TACC1: variants seen among roughly 807,000 people sequenced by gnomAD.
The protein encoded by TACC1 is transforming acidic coiled-coil-containing protein 1.
TACC1 carries 48 observed loss-of-function variants against 84.4 expected under a neutral mutation model. The ratio of observed to expected loss-of-function variants is 0.57; its 90% confidence interval spans 0.45 to 0.72. TACC1 has a LOEUF of 0.72. Among genes scored for constraint, TACC1 ranks in the 30% least tolerant of loss-of-function variants. The probability of loss-of-function intolerance (pLI) is 0.00; values close to 1 mark genes in which losing one functional copy is unlikely to be tolerated. For missense variants in TACC1, 920 were observed against 973.0 expected, an observed-to-expected ratio of 0.95 and a Z score of 0.72; for synonymous variants, 372 against 376.3, an observed-to-expected ratio of 0.99 and a Z score of 0.13.
At chr8:38,758,754 C>G (rs1810640641) in intron 3 of TACC1, among the ~76,000 whole-genome samples, 1 of 151,200 alleles carries the variant, frequency 6.6e-6, no homozygotes, top group South Asian at 2.1e-4. Context: ...CTAAATGCCC[C>G]ACATGTTATT....
chr8:38,755,735 A>G (rs62505790), intron 3 of TACC1, among the ~76,000 whole-genome samples: 29,270 of 145,370 alleles, frequency 0.2, 3,335 homozygotes, highest in Non-Finnish European at 0.26. Context: ...CAACAACAAC[A>G]ACAACAACAA....
intron 3 of TACC1, among the ~76,000 whole-genome samples, chr8:38,772,857 T>C (rs1441992339): frequency 6.6e-6 from 1 of 152,012 alleles, no homozygotes; most frequent in East Asian, 1.9e-4. Context: ...ATTTTATGTA[T>C]TAATATAAAT....
intron 2 of TACC1, among the ~76,000 whole-genome samples, chr8:38,807,295 A>G (rs1306328821): frequency 6.6e-6 from 1 of 152,184 alleles, no homozygotes; most frequent in Non-Finnish European, 1.5e-5. Context: ...GTCAGCCCCC[A>G]TCCTGAAGCC....
At chr8:38,769,804 CTGTG>C (rs1472121298) in intron 3 of TACC1, among the ~76,000 whole-genome samples, 6 of 116,624 alleles carry the variant, frequency 5.1e-5, no homozygotes, top group Non-Finnish European at 1.0e-4. Context: ...GTGTATATGA[CTGTG>C]TGTGGTGTGT....
In TACC1 at chr8:38,840,132, G is replaced by A. The variant is rs1237407798; in HGVS notation, c.1917-92G>A. 3 of 844,742 alleles carry A rather than the reference G, an allele frequency of 3.6e-6. No individual in the cohort carries two copies. In the African/African-American group the frequency reaches 5.2e-5, roughly 15 times the overall value. 52.3% of individuals were successfully genotyped at this position (844,742 alleles called of 1,614,324 possible). ...TGGATTACATACATTGTCAGTGTAT[G>A]TTAATGTGTTTAATTGTTTGGGACA... On this transcript the variant is annotated intron_variant, in intron 8 of 12. Transcript: ENST00000317827.
intron 6 of TACC1, among the ~76,000 whole-genome samples, chr8:38,831,642 C>T (rs1166168331): frequency 6.6e-6 from 1 of 152,114 alleles, no homozygotes. Context: ...ACTAGAGGCA[C>T]GTGCCACCGC....
intron 1 of TACC1, among the ~76,000 whole-genome samples, chr8:38,733,917 GT>G (rs1053816094): frequency 1.1e-4 from 17 of 152,316 alleles, no homozygotes; most frequent in African/African-American, 4.1e-4. Flanking sequence ...TTCTGGGAGA[GT>G]TTTTTAAAAT....
intron 2 of TACC1, among the ~76,000 whole-genome samples, chr8:38,819,167 T>G (rs1430772213): frequency 1.3e-5 from 2 of 152,256 alleles, no homozygotes; most frequent in African/African-American, 4.8e-5. Context: ...AGCTGTTGGT[T>G]TCTAAATACT....
At chr8:38,757,209 G>GGGCCCCCC in intron 3 of TACC1, 3 of 262,220 alleles carry the variant, frequency 1.1e-5, no homozygotes, top group Non-Finnish European at 2.3e-5. Flanking sequence ...ACGGCCGGGC[G>GGGCCCCCC]CCCCACCCCG....
At chr8:38,764,736 G>A (rs562618976) in intron 3 of TACC1, among the ~76,000 whole-genome samples, 1 of 152,264 alleles carries the variant, frequency 6.6e-6, no homozygotes, top group South Asian at 2.1e-4. Flanking sequence ...GGAGGCCGAG[G>A]AGGGCAGGTC....
At chr8:38,806,810 G>C (rs1191196967) in intron 2 of TACC1, among the ~76,000 whole-genome samples, 1 of 152,036 alleles carries the variant, frequency 6.6e-6, no homozygotes, top group Non-Finnish European at 1.5e-5. Context: ...GTTCTATTCT[G>C]ATACTTACTT....
chr8:38,784,264 C>T (rs1253120869), upstream of TACC1, among the ~76,000 whole-genome samples: 1 of 152,100 alleles, frequency 6.6e-6, no homozygotes, highest in Non-Finnish European at 1.5e-5. Context: ...CATTTATTTG[C>T]TAGTCCAGTC....
chr8:38,783,080 ATCTATCTATCTATCTATCTATC>A (rs1816378496), upstream of TACC1, among the ~76,000 whole-genome samples: 3 of 106,628 alleles, frequency 2.8e-5, no homozygotes, highest in African/African-American at 1.3e-4. Flanking sequence ...CTATCTATCT[ATCTATCTATCTATCTATCTATC>A]TATCTATATA....
intron 5 of TACC1, among the ~76,000 whole-genome samples, chr8:38,828,931 TGTG>T (rs1237838392): frequency 6.6e-6 from 1 of 152,194 alleles, no homozygotes; most frequent in East Asian, 1.9e-4. Context: ...CTGGTACAGA[TGTG>T]GTAAGTTGAG....
At chr8:38,785,605 A>G, upstream of TACC1, 1 of 726,874 alleles carries the variant, frequency 1.4e-6, no homozygotes, top group Non-Finnish European at 1.7e-6. Flanking sequence ...AGATAAGAGA[A>G]CTATTCAGGA....
chr8:38,786,778 C>CAGGGTT (rs570689364), upstream of TACC1, among the ~76,000 whole-genome samples: 40 of 151,172 alleles, frequency 2.6e-4, no homozygotes, highest in Admixed American at 8.5e-4. Context: ...CCCACGCTGC[C>CAGGGTT]AGGGTTAGGG....
intron 9 of TACC1, among the ~76,000 whole-genome samples, chr8:38,841,199 GATT>G (rs1353815124): frequency 6.6e-6 from 1 of 152,250 alleles, no homozygotes; most frequent in East Asian, 1.9e-4. Context: ...ATATATAGTT[GATT>G]CATTAACATT....
rs532761538 is a variant in TACC1 at position 38,747,521 on chromosome 8, A to G, written c.26+2028A>G. Among the ~76,000 whole-genome samples the G allele has an allele frequency of 2.0e-5, 3 of 152,366 alleles. No homozygotes were observed. In the East Asian group the frequency reaches 5.8e-4, roughly 29 times the overall value. ...AGACAATGGAATATTATTCAGTGTT[A>G]AAAAGAAATGAGCTGTCAAGCCATG... On this transcript the variant is annotated intron_variant, in intron 3 of 14. Coordinates refer to the TACC1 transcript ENST00000518415.
chr8:38,772,464 C>T (rs538610848), intron 3 of TACC1, among the ~76,000 whole-genome samples: 9 of 152,254 alleles, frequency 5.9e-5, no homozygotes, highest in East Asian at 1.9e-4. Flanking sequence ...ACAGCAAACC[C>T]GTTAAATATC....
Sources: gnomAD v4.1 joint callset for allele counts (sites outside exome capture counted in the v4.1 genomes callset) on GRCh38, gnomAD v4.1.1 for gene constraint, MANE v1.5 for transcripts, NCBI Gene and HGNC (gene_info 2026-07-23, HGNC 2026-07-21) for gene names.